DAB1: variants seen among roughly 807,000 people sequenced by gnomAD.
DAB1 encodes DAB adaptor protein 1.
Under a neutral mutation model 64.6 loss-of-function variants are expected in DAB1, and 15 were observed. The ratio of observed to expected loss-of-function variants is 0.23; its 90% CI spans 0.16 to 0.36. The LOEUF is 0.36. DAB1 is among the 10% of genes least tolerant of loss of function. The probability of loss-of-function intolerance (pLI) is 1.00; values close to 1 mark genes in which losing one functional copy is unlikely to be tolerated. For synonymous variants in DAB1, 235 were observed against 251.9 expected, an observed-to-expected ratio of 0.93 and a Z score of 0.64; for missense variants, 596 against 706.7, an observed-to-expected ratio of 0.84 and a Z score of 1.78.
intron 3 of DAB1, among the ~76,000 whole-genome samples, chr1:58,370,023 A>C (rs1644250050): frequency 6.6e-6 from 1 of 152,226 alleles, no homozygotes; most frequent in Non-Finnish European, 1.5e-5. Flanking sequence ...ATTTTTTTTA[A>C]ATGTGTATAT....
intron 5 of DAB1, among the ~76,000 whole-genome samples, chr1:58,085,617 C>T (rs541730255): frequency 4.0e-4 from 61 of 152,210 alleles, no homozygotes; most frequent in Non-Finnish European, 7.8e-4. Context: ...ATCCCCCCAT[C>T]TCAGCCTCCC....
At chr1:57,645,464 TAGAGTAGGAA>T (rs1327405000) in intron 7 of DAB1, among the ~76,000 whole-genome samples, 1 of 152,180 alleles carries the variant, frequency 6.6e-6, no homozygotes, top group Non-Finnish European at 1.5e-5. Context: ...AGACCAGCTA[TAGAGTAGGAA>T]AGAGTCTCTT....
chr1:58,501,320 A>G (rs569208030), intron 3 of DAB1, among the ~76,000 whole-genome samples: 2 of 152,328 alleles, frequency 1.3e-5, no homozygotes, highest in African/African-American at 4.8e-5. Context: ...TATTTTCTGA[A>G]CAATATATTA....
chr1:58,527,071 T>C (rs903880247), intron 2 of DAB1, among the ~76,000 whole-genome samples: 1 of 152,134 alleles, frequency 6.6e-6, no homozygotes, highest in Non-Finnish European at 1.5e-5. Context: ...TAGAAGGGAA[T>C]TGAGACTCTT....
intron 10 of DAB1, among the ~76,000 whole-genome samples, chr1:57,023,900 T>C (rs61767017): frequency 9.2e-5 from 14 of 152,336 alleles, no homozygotes; most frequent in Middle Eastern, 3.4e-3. Context: ...TGCATAGGCA[T>C]GTAGTAGGTG....
At chr1:58,146,867 T>C (rs1303480050) in intron 5 of DAB1, among the ~76,000 whole-genome samples, 1 of 152,208 alleles carries the variant, frequency 6.6e-6, no homozygotes, top group African/African-American at 2.4e-5. Flanking sequence ...TGTTTCCATA[T>C]CTTGGCTATT....
At chr1:57,438,553 C>T (rs542408367) in intron 7 of DAB1, among the ~76,000 whole-genome samples, 2 of 152,144 alleles carry the variant, frequency 1.3e-5, no homozygotes, top group East Asian at 3.9e-4. Flanking sequence ...AAGTAAGTGC[C>T]ACTATTATCT....
At chr1:57,377,971 A>C (rs1168910409) in intron 1 of DAB1, among the ~76,000 whole-genome samples, 2 of 152,336 alleles carry the variant, frequency 1.3e-5, no homozygotes, top group East Asian at 3.9e-4. Context: ...AGACTTCAGC[A>C]ATCCTGAAAT....
chr1:57,747,513 A>G (rs1648332584), intron 6 of DAB1, among the ~76,000 whole-genome samples: 2 of 152,116 alleles, frequency 1.3e-5, no homozygotes, highest in Admixed American at 6.6e-5. Flanking sequence ...TTAAATTAGT[A>G]AGAATACCAT....
chr1:57,504,049 A>G (rs1570579170), intron 7 of DAB1, among the ~76,000 whole-genome samples: 1 of 152,182 alleles, frequency 6.6e-6, no homozygotes, highest in Non-Finnish European at 1.5e-5. Context: ...AATGTGTCCC[A>G]TGTCATCTTA....
At chr1:57,337,879 TCCCTTCCCTTCCC>T (rs1558192547) in intron 1 of DAB1, among the ~76,000 whole-genome samples, 1 of 32,688 alleles carries the variant, frequency 3.1e-5, no homozygotes, top group African/African-American at 1.2e-4. Context: ...TCCCCTCCCC[TCCCTTCCCTTCCC>T]TTCCCTTCCC....
intron 1 of DAB1, among the ~76,000 whole-genome samples, chr1:57,834,784 AG>A (rs1256305761): frequency 1.3e-5 from 2 of 152,112 alleles, no homozygotes; most frequent in African/African-American, 4.8e-5. Context: ...GAAGTGTACA[AG>A]ATGCCAGGGA....
At chr1:57,199,352 C>T (rs545854570) in intron 2 of DAB1, among the ~76,000 whole-genome samples, 2 of 152,340 alleles carry the variant, frequency 1.3e-5, no homozygotes, top group South Asian at 2.1e-4. Context: ...AGGACTGCCT[C>T]TTCCAGAGGC....
At chr1:58,358,837 C>G (rs559334272) in intron 3 of DAB1, among the ~76,000 whole-genome samples, 41 of 151,990 alleles carry the variant, frequency 2.7e-4, no homozygotes, top group African/African-American at 9.7e-4. Flanking sequence ...CTGTCTTTCT[C>G]TCTCACTCCT....
chr1:58,480,350 G>A (rs1390095586), intron 3 of DAB1, among the ~76,000 whole-genome samples: 1 of 152,088 alleles, frequency 6.6e-6, no homozygotes, highest in South Asian at 2.1e-4. Flanking sequence ...GGAACACGCT[G>A]TATCTCTGTG....
chr1:57,123,533 A>C (rs1178649127), intron 4 of DAB1, among the ~76,000 whole-genome samples: 1 of 152,176 alleles, frequency 6.6e-6, no homozygotes, highest in Non-Finnish European at 1.5e-5. Flanking sequence ...ACTTTTTAGA[A>C]TATAATTTGA....
intron 5 of DAB1, among the ~76,000 whole-genome samples, chr1:58,040,673 T>C (rs148029992): frequency 1.2e-4 from 18 of 152,352 alleles, no homozygotes; most frequent in African/African-American, 3.8e-4. Flanking sequence ...GTTAAAAATA[T>C]ACCACATGTC....
At chr1:58,465,870 A>T (rs537159433) in intron 3 of DAB1, among the ~76,000 whole-genome samples, 1 of 152,208 alleles carries the variant, frequency 6.6e-6, no homozygotes, top group South Asian at 2.1e-4. Context: ...AATGGCAGAA[A>T]TGGGGGCTGC....
intron 5 of DAB1, among the ~76,000 whole-genome samples, chr1:58,045,199 G>A (rs904827966): frequency 6.6e-6 from 1 of 152,212 alleles, no homozygotes; most frequent in Non-Finnish European, 1.5e-5. Context: ...AGCACTGCAA[G>A]GACAGCAGGT....
Sources: gnomAD v4.1 joint callset for allele counts (sites outside exome capture counted in the v4.1 genomes callset) on GRCh38, gnomAD v4.1.1 for gene constraint, MANE v1.5 for transcripts, NCBI Gene and HGNC (gene_info 2026-07-23, HGNC 2026-07-21) for gene names.